The following KCNH8 variants were observed in gnomAD, a reference collection of about 807,000 sequenced individuals.
KCNH8 encodes the protein voltage-gated delayed rectifier potassium channel KCNH8.
Under a neutral mutation model 103.6 loss-of-function variants are expected in KCNH8, and 70 were observed. That is an observed-to-expected ratio of 0.68 (90% CI 0.56 to 0.82). The LOEUF is 0.82. Among genes scored for constraint, KCNH8 ranks in the 40% least tolerant of loss-of-function variants. KCNH8 has a pLI of 0.00. For missense variants in KCNH8, 1,217 were observed against 1,329.9 expected (o/e 0.92, Z 1.32); for synonymous variants, 498 against 489.4 (o/e 1.02, Z -0.23).
At chr3:19,432,880 G>A (rs2067143386) in intron 7 of KCNH8, among the ~76,000 whole-genome samples, 1 of 152,156 alleles carries the variant, frequency 6.6e-6, no homozygotes, top group Non-Finnish European at 1.5e-5. Context: ...ATTTGGAAGT[G>A]CCCCAGTTAG....
chr3:19,441,626 A>G (rs927982126), intron 8 of KCNH8, among the ~76,000 whole-genome samples: 12 of 152,206 alleles, frequency 7.9e-5, no homozygotes, highest in African/African-American at 2.9e-4. Flanking sequence ...GACTGCTGTG[A>G]TGGAGTATTA....
intron 1 of KCNH8, among the ~76,000 whole-genome samples, chr3:19,174,479 G>A (rs2063378670): frequency 6.6e-6 from 1 of 152,184 alleles, no homozygotes; most frequent in Non-Finnish European, 1.5e-5. Context: ...GGTTAAGCAA[G>A]CTAGTGAATA....
At chr3:19,152,794 G>T (rs182966798) in intron 1 of KCNH8, among the ~76,000 whole-genome samples, 3 of 152,036 alleles carry the variant, frequency 2.0e-5, no homozygotes, top group Non-Finnish European at 4.4e-5. Flanking sequence ...AAATTAGCCG[G>T]GTGTGGCGGC....
At chr3:19,506,936 G>A (rs2068704338) in intron 11 of KCNH8, among the ~76,000 whole-genome samples, 1 of 152,144 alleles carries the variant, frequency 6.6e-6, no homozygotes, top group Non-Finnish European at 1.5e-5. Flanking sequence ...TGTGGTTAAA[G>A]CACTCATGGT....
chr3:19,408,045 A>G (rs183907244), intron 7 of KCNH8, among the ~76,000 whole-genome samples: 1 of 152,134 alleles, frequency 6.6e-6, no homozygotes, highest in East Asian at 1.9e-4. Flanking sequence ...AGTTCAGACC[A>G]CTGTGCATTC....
At chr3:19,267,436 A>C (rs1164796949) in intron 2 of KCNH8, among the ~76,000 whole-genome samples, 4 of 152,152 alleles carry the variant, frequency 2.6e-5, no homozygotes, top group Non-Finnish European at 5.9e-5. Flanking sequence ...GCAACTTTGC[A>C]GGATGTTCGA....
At chr3:19,452,484 C>CA (rs1381325683) in intron 10 of KCNH8, among the ~76,000 whole-genome samples, 3 of 151,898 alleles carry the variant, frequency 2.0e-5, no homozygotes, top group Non-Finnish European at 4.4e-5. Flanking sequence ...GATAATGCAG[C>CA]AAAAAAGAAA....
At chr3:19,426,396 G>A (rs2067028986) in intron 7 of KCNH8, among the ~76,000 whole-genome samples, 1 of 151,730 alleles carries the variant, frequency 6.6e-6, no homozygotes, top group East Asian at 1.9e-4. Context: ...AAATTAGTAG[G>A]TCAAGACTTA....
chr3:19,495,783 T>G (rs2068426593), intron 11 of KCNH8, among the ~76,000 whole-genome samples: 1 of 152,100 alleles, frequency 6.6e-6, no homozygotes, highest in African/African-American at 2.4e-5. Context: ...TGTAAATTAC[T>G]CTATGCAGTG....
At chr3:19,485,963 G>A (rs1198013517) in intron 11 of KCNH8, among the ~76,000 whole-genome samples, 1 of 152,232 alleles carries the variant, frequency 6.6e-6, no homozygotes, top group Non-Finnish European at 1.5e-5. Flanking sequence ...GAGAGTCAGT[G>A]TAGATGTTTA....
At chr3:19,377,097 T>G (rs2066219442) in intron 5 of KCNH8, among the ~76,000 whole-genome samples, 1 of 152,206 alleles carries the variant, frequency 6.6e-6, no homozygotes, top group African/African-American at 2.4e-5. Context: ...TGGATACATC[T>G]GCTATGCTAG....
intron 5 of KCNH8, among the ~76,000 whole-genome samples, chr3:19,374,807 C>CA (rs1225506475): frequency 6.6e-6 from 1 of 152,002 alleles, no homozygotes; most frequent in South Asian, 2.1e-4. Flanking sequence ...CTGGTGGTGA[C>CA]AAAATCTCTG....
chr3:19,254,536 C>G (rs1452107419), intron 2 of KCNH8, among the ~76,000 whole-genome samples: 1 of 152,020 alleles, frequency 6.6e-6, no homozygotes, highest in African/African-American at 2.4e-5. Flanking sequence ...TCTTTTGAAT[C>G]AAAGAGGATC....
intron 2 of KCNH8, among the ~76,000 whole-genome samples, chr3:19,266,860 A>G (rs565990168): frequency 2.0e-5 from 3 of 151,808 alleles, no homozygotes; most frequent in Non-Finnish European, 4.4e-5. Flanking sequence ...TTTTCTTTCT[A>G]TTTCTAGACA....
chr3:19,464,175 CAA>C (rs2125195023), intron 11 of KCNH8, among the ~76,000 whole-genome samples: 1 of 152,086 alleles, frequency 6.6e-6, no homozygotes, highest in Admixed American at 6.5e-5. Flanking sequence ...GTAATTCAAC[CAA>C]AGAGGTATGA....
chr3:19,218,033 C>G (rs1021004208), intron 1 of KCNH8, among the ~76,000 whole-genome samples: 2 of 152,142 alleles, frequency 1.3e-5, no homozygotes, highest in East Asian at 3.9e-4. Flanking sequence ...ACTGTTTTCT[C>G]AATCCAAACT....
intron 1 of KCNH8, among the ~76,000 whole-genome samples, chr3:19,240,924 T>C (rs371011435): frequency 4.4e-4 from 67 of 152,172 alleles, no homozygotes; most frequent in African/African-American, 1.6e-3. Flanking sequence ...TTCATTGGTA[T>C]CGCTCTGGTC....
intron 3 of KCNH8, among the ~76,000 whole-genome samples, chr3:19,301,345 T>A (rs868658139): frequency 1.0e-4 from 15 of 148,528 alleles, no homozygotes; most frequent in Non-Finnish European, 1.9e-4. Context: ...TACAAATATA[T>A]ATAATATATA....
At chr3:19,281,092 A>G in intron 2 of KCNH8, 106 bp from the exon 3 acceptor site, 6 of 1,171,932 alleles carry the variant, frequency 5.1e-6, no homozygotes, top group Non-Finnish European at 7.3e-6. Flanking sequence ...GAGTTGTGGG[A>G]TTGAAGAAAA....
Sources: gnomAD v4.1 joint callset for allele counts (sites outside exome capture counted in the v4.1 genomes callset) on GRCh38, gnomAD v4.1.1 for gene constraint, MANE v1.5 for transcripts, NCBI Gene and HGNC (gene_info 2026-07-23, HGNC 2026-07-21) for gene names.